The following POLR2M variants were observed in gnomAD, a reference collection of about 807,000 sequenced individuals.
POLR2M encodes the protein RNA polymerase II subunit M, also known as protein GRINL1A.
A neutral mutation model predicts 34.6 loss-of-function variants in POLR2M; 30 were observed. The observed-to-expected ratio is 0.87, with a 90% confidence interval of 0.65 to 1.18. POLR2M has a LOEUF of 1.18. POLR2M is among the 50% of genes most tolerant of loss of function. The pLI, the probability that POLR2M is intolerant of heterozygous loss-of-function variation, is 0.00. For synonymous variants in POLR2M, 150 were observed against 166.7 expected, an observed-to-expected ratio of 0.90 and a Z score of 0.77; for missense variants, 432 against 448.7, an observed-to-expected ratio of 0.96 and a Z score of 0.34.
In POLR2M at chr15:57,717,500, A is replaced by G. The variant is rs187269957; in HGVS notation, c.*2821A>G. The G allele has an allele frequency of 1.4e-3, 212 of 152,312 alleles. 1 individual carries two copies. The highest frequency in any genetic ancestry group is 4.8e-3 in the African/African-American group (199 of 41,558). 9.4% of individuals were successfully genotyped at this position (152,312 alleles called of 1,614,324 possible). A position where few individuals can be genotyped will look rare whatever the true frequency, so the allele number is the denominator to read the frequency against. On this transcript the variant is annotated 3_prime_UTR_variant, in exon 4 of 4. Coordinates refer to ENST00000299638, the MANE Select transcript of POLR2M (RefSeq NM_015532.5). ...AATTATTTTACCAGTTATGTGTATA[A>G]CAATATGGTTTACATTTTGCTCACT...
chr15:57,711,276 C>T (rs375081234), intron 2 of POLR2M, among the ~76,000 whole-genome samples: 15 of 152,322 alleles, frequency 9.8e-5, no homozygotes, highest in East Asian at 3.9e-4. Context: ...TCTCATCTCT[C>T]TCGGGCTGTA....
In POLR2M at chr15:57,711,916, G is replaced by A. The variant is rs1295117351; in HGVS notation, c.759-68G>A. ...AATTGCTAAGGTAAAGGCCATTTGT[G>A]TGAATGTTTTAAATGTGTCTACAAA... On this transcript the variant is annotated intron_variant, in intron 2 of 3. Transcript: ENST00000299638. The A allele has an allele frequency of 3.2e-6, 5 of 1,565,440 alleles. No homozygotes were observed. In the African/African-American group the frequency reaches 4.1e-5, roughly 13 times the overall value.
Position 57,707,029 on chromosome 15 carries a change from G to A in POLR2M, c.113+74G>A, listed in dbSNP as rs372765766. 1.3e-6 allele frequency: 2 copies of A among 1,551,754 alleles called. 1 individual carries two copies. Among genetic ancestry groups the A allele is most frequent in the South Asian group, 2.4e-5 (2 of 84,070 alleles). ...TCCCTGGGCGCTCCCCTCCCCTCCC[G>A]CACTCTGTTCCCTTCCCTGGAAGGT... On this transcript the variant is annotated intron_variant, in intron 1 of 3. Transcript: ENST00000299638.
intron 1 of POLR2M, chr15:57,707,244 C>T: frequency 1.8e-5 from 22 of 1,209,616 alleles, no homozygotes; most frequent in Non-Finnish European, 2.4e-5. Context: ...TGTGGTGGTT[C>T]CATGAGTCTG....
rs1233359936 is a variant in POLR2M, at chr15:57,714,805, A to T, written c.*126A>T. ...TTTATAAAGTTACACAAAGGTAGTT[A>T]TAAAAAAAGCCCAGTTTGTCTTTCA... On this transcript the variant is annotated 3_prime_UTR_variant, in exon 4 of 4. Coordinates refer to ENST00000299638, the MANE Select transcript of POLR2M (RefSeq NM_015532.5). The T allele has an allele frequency of 1.7e-5, 25 of 1,456,514 alleles. No homozygotes were observed. The highest frequency in any genetic ancestry group is 2.1e-5 in the Non-Finnish European group (23 of 1,089,606). 90.2% of individuals were successfully genotyped at this position (1,456,514 alleles called of 1,614,324 possible). A position where few individuals can be genotyped will look rare whatever the true frequency, so the allele number is the denominator to read the frequency against.
chr15:57,709,179 T>C lies in POLR2M; in HGVS notation c.579T>C (p.Ile193=). 1 of 1,614,206 alleles carries C rather than the reference T, an allele frequency of 6.2e-7. No homozygotes were observed. The highest frequency in any genetic ancestry group is 1.1e-5 in the South Asian group (1 of 91,082). ...CCAGCAGCTTTGACAACCTGTTTATTGACAGGTTACAGAGGATCACCATTG... is the reference window on the plus strand; with the variant it reads ...CCAGCAGCTTTGACAACCTGTTTATCGACAGGTTACAGAGGATCACCATTG... ...DTSSSFDNLF[I]DRLQRITIAD... is the part of the protein sequence containing the mutation. The change falls in exon 2 of 4, where the codon ATT becomes ATC. Residue 193 remains isoleucine, a synonymous_variant. Transcript: ENST00000299638.
rs1481610113 is a variant in POLR2M, at chr15:57,715,715, C to T, written c.*1036C>T. Reference sequence around the variant, plus strand: ...TTTTAGAGGATTATATGGTTGTCTCCAGAGAAATTAACTTACATTATCAAA... The same window carrying T: ...TTTTAGAGGATTATATGGTTGTCTCTAGAGAAATTAACTTACATTATCAAA... On this transcript the variant is annotated 3_prime_UTR_variant, in exon 4 of 4. Transcript: ENST00000299638. 4 of 152,206 alleles carry T rather than the reference C, an allele frequency of 2.6e-5. No homozygotes were observed. The East Asian group carries it at 7.7e-4, about 29-fold the overall frequency. 9.4% of individuals were successfully genotyped at this position (152,206 alleles called of 1,614,324 possible).
At position 57,708,989 on chromosome 15, in the gene POLR2M, A is replaced by G; in HGVS notation, c.389A>G (p.Gln130Arg). The G allele has an allele frequency of 1.2e-6, 2 of 1,614,068 alleles. No homozygotes were observed. The highest frequency in any genetic ancestry group is 1.7e-6 in the Non-Finnish European group (2 of 1,179,936). Reference protein sequence around the residue: ...NIKSSQTSQNQGLGRPTLEGD... With the variant: ...NIKSSQTSQNRGLGRPTLEGD... ...AAGTCATCTCAAACCTCACAAAACC[A>G]GGGACTTGGACGTCCTACTCTTGAA... is the stretch of plus-strand genomic sequence containing the variant. The change falls in exon 2 of 4, where the codon CAG becomes CGG. Residue 130 changes from glutamine to arginine, a missense_variant. Gln to Arg is a conservative substitution (Grantham distance 43, BLOSUM62 1). Coordinates refer to ENST00000299638, the MANE Select transcript of POLR2M (RefSeq NM_015532.5).
Position 57,706,864 on chromosome 15 carries a change from T to G in POLR2M, c.22T>G (p.Phe8Val). Residue 8 changes from phenylalanine to valine, a missense_variant, in exon 1 of 4, where the codon TTC (phenylalanine) becomes GTC (valine). Transcript: ENST00000299638. MCSLPRG[F>V]EPQAPEDLAQ... is the part of the protein sequence containing the mutation. Reference sequence around the variant, plus strand: ...CAGAATGTGCTCGCTGCCCCGCGGCTTCGAGCCCCAAGCTCCCGAGGACTT... The same window carrying G: ...CAGAATGTGCTCGCTGCCCCGCGGCGTCGAGCCCCAAGCTCCCGAGGACTT... 1 of 1,580,936 alleles carries G rather than the reference T, an allele frequency of 6.3e-7. No individual in the cohort carries two copies. The highest frequency in any genetic ancestry group is 8.6e-7 in the Non-Finnish European group (1 of 1,162,930).
intron 1 of POLR2M, chr15:57,707,478 C>T (rs774699983): frequency 3.7e-6 from 2 of 534,232 alleles, no homozygotes; most frequent in Admixed American, 2.2e-5. Flanking sequence ...CAGCTTTGTT[C>T]AGCAGCTTGT....
chr15:57,714,765 G>C lies in POLR2M; in HGVS notation c.*86G>C. The C allele has an allele frequency of 6.5e-7, 1 of 1,533,590 alleles. No homozygotes were observed. Among genetic ancestry groups the C allele is most frequent in the Admixed American group, 2.3e-5 (1 of 43,814 alleles). The allele number at this position is 1,533,590 out of a possible 1,614,324, so 95.0% of individuals were successfully genotyped here. On this transcript the variant is annotated 3_prime_UTR_variant, in exon 4 of 4. Coordinates refer to ENST00000299638, the MANE Select transcript of POLR2M (RefSeq NM_015532.5). ...AGTATCAAGATCAGTGTCAGATATT[G>C]TTGAGGGAAGTAATTTTATAAAGTT...
chr15:57,706,761 C>G lies in POLR2M; in HGVS notation c.-82C>G, dbSNP rs2040493986. On this transcript the variant is annotated 5_prime_UTR_variant, in exon 1 of 4. Coordinates refer to ENST00000299638, the MANE Select transcript of POLR2M (RefSeq NM_015532.5). ...TCCCGCTCGTGCCCCGGAGTCACCG[C>G]CGTCCGCGGATCCGGCGCTAGTAGC... The G allele has an allele frequency of 1.4e-6, 2 of 1,479,980 alleles. No individual in the cohort carries two copies. The highest frequency in any genetic ancestry group is 1.8e-6 in the Non-Finnish European group (2 of 1,096,134). 91.7% of individuals were successfully genotyped at this position (1,479,980 alleles called of 1,614,324 possible).
chr15:57,714,200 A>G (rs1205486885), intron 3 of POLR2M, among the ~76,000 whole-genome samples: 1 of 152,166 alleles, frequency 6.6e-6, no homozygotes, highest in African/African-American at 2.4e-5. Context: ...GTGAGTGTGT[A>G]TACATGTGCA....
Position 57,714,703 on chromosome 15 carries a change from G to A in POLR2M, c.*24G>A, listed in dbSNP as rs529037751. On this transcript the variant is annotated 3_prime_UTR_variant, in exon 4 of 4. Coordinates refer to ENST00000299638, the MANE Select transcript of POLR2M (RefSeq NM_015532.5). ...GAAGATAATCTCCTAAATCACTGACGTTGAGATGTCATCATCTTACATCAG... is the reference window on the plus strand; with the variant it reads ...GAAGATAATCTCCTAAATCACTGACATTGAGATGTCATCATCTTACATCAG... The A allele has an allele frequency of 3.6e-5, 57 of 1,605,344 alleles. No homozygotes were observed. The highest frequency in any genetic ancestry group is 2.7e-4 in the South Asian group (24 of 90,442).
Position 57,711,745 on chromosome 15 carries a change from G to GAA in POLR2M, c.759-224_759-223dup, listed in dbSNP as rs11459856. Among the ~76,000 whole-genome samples, 912 of 125,242 alleles carry GAA rather than the reference G, an allele frequency of 7.3e-3. 10 individuals carry two copies. Among genetic ancestry groups the GAA allele is most frequent in the African/African-American group, 0.017 (610 of 35,526 alleles). The allele number at this position is 125,242 out of a possible 152,430, so 82.2% of individuals were successfully genotyped here. A position where few individuals can be genotyped will look rare whatever the true frequency, so the allele number is the denominator to read the frequency against. ...TTTTGCAAATGTTCTTTGAATAAATGAAAAAAAAAAAAAAAACTCCAGATG... is the reference window on the plus strand; with the variant it reads ...TTTTGCAAATGTTCTTTGAATAAATGAAAAAAAAAAAAAAAAAACTCCAGATG... On this transcript the variant is annotated intron_variant, in intron 2 of 3. Coordinates refer to ENST00000299638, the MANE Select transcript of POLR2M (RefSeq NM_015532.5).
chr15:57,713,815 T>TC (rs1386477709), intron 3 of POLR2M, among the ~76,000 whole-genome samples: 5 of 142,450 alleles, frequency 3.5e-5, no homozygotes, highest in African/African-American at 1.3e-4. Context: ...ACAGCATTAG[T>TC]CCTTCTTTTT....
intron 1 of POLR2M, 120 bp from the exon 2 acceptor site, chr15:57,708,587 TAGAAATC>T (rs1389661273): frequency 1.1e-6 from 1 of 873,062 alleles, no homozygotes; most frequent in Non-Finnish European, 1.7e-6. Context: ...TTGGGGCAGT[TAGAAATC>T]AGATATTTGA....
rs1463662920 is a variant in POLR2M, at chr15:57,709,156, A to G, written c.556A>G (p.Ser186Gly). The change falls in exon 2 of 4, where the codon AGC becomes GGC. Residue 186 changes from serine (S) to glycine (G), a missense_variant. Ser to Gly is a moderately conservative substitution (Grantham distance 56). Coordinates refer to ENST00000299638, the MANE Select transcript of POLR2M (RefSeq NM_015532.5). ...RVSSQAEDTS[S>G]SFDNLFIDRL... is the part of the protein sequence containing the mutation. ...TTCAAGTCAAGCGGAAGATACTTCC[A>G]GCAGCTTTGACAACCTGTTTATTGA... is the stretch of plus-strand genomic sequence containing the variant. 1.9e-6 allele frequency: 3 copies of G among 1,614,256 alleles called. No individual in the cohort carries two copies. The highest frequency in any genetic ancestry group is 2.2e-5 in the East Asian group (1 of 44,890).
intron 1 of POLR2M, among the ~76,000 whole-genome samples, chr15:57,708,221 C>G (rs1214555761): frequency 1.3e-5 from 2 of 152,200 alleles, no homozygotes; most frequent in Non-Finnish European, 2.9e-5. Flanking sequence ...TAAGCATACA[C>G]AAGCACACAT....
Sources: gnomAD v4.1 joint callset for allele counts (sites outside exome capture counted in the v4.1 genomes callset) on GRCh38, gnomAD v4.1.1 for gene constraint, MANE v1.5 for transcripts, NCBI Gene and HGNC (gene_info 2026-07-23, HGNC 2026-07-21) for gene names.